The following RNF220 variants were observed in gnomAD, a reference collection of about 807,000 sequenced individuals.
The protein encoded by RNF220 is ring finger protein 220.
In RNF220, 7 loss-of-function variants were observed where a neutral mutation model predicts 67.1. That is an observed-to-expected ratio of 0.10 (90% confidence interval 0.06 to 0.20). The LOEUF is 0.20. Ranked by LOEUF, RNF220 falls within the 10% of genes least tolerant of loss-of-function variation. The pLI is 1.00. For missense variants in RNF220, 565 were observed against 740.3 expected (o/e 0.76, Z 2.75); for synonymous variants, 270 against 283.2 (o/e 0.95, Z 0.47).
At chr1:44,631,445 A>C (rs189400733) in intron 5 of RNF220, among the ~76,000 whole-genome samples, 23 of 152,358 alleles carry the variant, frequency 1.5e-4, no homozygotes, top group African/African-American at 5.3e-4. Flanking sequence ...TCTTATGAAC[A>C]GGGAACCCAA....
intron 2 of RNF220, among the ~76,000 whole-genome samples, chr1:44,529,905 T>A (rs930006163): frequency 1.3e-5 from 2 of 148,970 alleles, no homozygotes; most frequent in South Asian, 4.2e-4. Flanking sequence ...ACAAAAAAAA[T>A]TAGCAGGGCA....
rs528091970 is a variant in RNF220, at chr1:44,542,768, G to A, written c.626-71397G>A. 1.3e-4 allele frequency among the ~76,000 whole-genome samples: 20 copies of A among 152,332 alleles called. No individual in the cohort carries two copies. In the East Asian group the frequency reaches 2.5e-3, roughly 19 times the overall value. On this transcript the variant is annotated intron_variant, in intron 2 of 14. Transcript: ENST00000361799. ...GAGACAGGGAGCCCAGCCTTGGGACGTTGCTAGCAGCTTCCCCTGAACCCT... is the reference window on the plus strand; with the variant it reads ...GAGACAGGGAGCCCAGCCTTGGGACATTGCTAGCAGCTTCCCCTGAACCCT...
intron 1 of RNF220, among the ~76,000 whole-genome samples, chr1:44,406,870 C>T: frequency 6.6e-6 from 1 of 152,280 alleles, no homozygotes; most frequent in East Asian, 1.9e-4. Context: ...GTTCATCCCC[C>T]AGTCCAGGAG....
At chr1:44,460,942 C>G (rs912268723) in intron 2 of RNF220, among the ~76,000 whole-genome samples, 3 of 152,190 alleles carry the variant, frequency 2.0e-5, no homozygotes, top group Admixed American at 2.0e-4. Context: ...TGGCCTTCCC[C>G]CTTCCCTGTC....
At chr1:44,506,876 A>T (rs1572710715) in intron 2 of RNF220, among the ~76,000 whole-genome samples, 1 of 152,348 alleles carries the variant, frequency 6.6e-6, no homozygotes, top group East Asian at 1.9e-4. Flanking sequence ...GGGAGATCAA[A>T]AGTAGCTAAT....
At chr1:44,632,865 T>G (rs1573130939) in intron 6 of RNF220, 1 of 165,018 alleles carries the variant, frequency 6.1e-6, no homozygotes, top group African/African-American at 2.4e-5. Flanking sequence ...CAGGGCTCTT[T>G]GAGTTATCAG....
chr1:44,424,852 C>T (rs1031675663), intron 2 of RNF220, among the ~76,000 whole-genome samples: 2 of 152,208 alleles, frequency 1.3e-5, no homozygotes, highest in African/African-American at 4.8e-5. Flanking sequence ...TGAGGGAGGC[C>T]GGTGTGCGCT....
intron 2 of RNF220, among the ~76,000 whole-genome samples, chr1:44,425,077 T>C (rs996754083): frequency 3.9e-5 from 6 of 152,168 alleles, no homozygotes; most frequent in African/African-American, 9.7e-5. Flanking sequence ...CACCTGCAGA[T>C]TGGCTTTCTG....
chr1:44,435,187 A>G (rs1489059914), intron 2 of RNF220, among the ~76,000 whole-genome samples: 1 of 152,210 alleles, frequency 6.6e-6, no homozygotes, highest in East Asian at 1.9e-4. Flanking sequence ...GGAGTGCGAC[A>G]TGCTGAGCAA....
chr1:44,609,716 G>A (rs1441574669), intron 2 of RNF220, among the ~76,000 whole-genome samples: 1 of 152,254 alleles, frequency 6.6e-6, no homozygotes, highest in African/African-American at 2.4e-5. Context: ...CCTGGCCCAA[G>A]CTAGGAAGAG....
chr1:44,604,562 G>A (rs991248123), intron 2 of RNF220, among the ~76,000 whole-genome samples: 2 of 152,252 alleles, frequency 1.3e-5, no homozygotes, highest in Non-Finnish European at 2.9e-5. Flanking sequence ...TGGGGTCAAG[G>A]GTTTAGCTTC....
At chr1:44,432,741 T>A (rs1650526899) in intron 2 of RNF220, among the ~76,000 whole-genome samples, 1 of 152,102 alleles carries the variant, frequency 6.6e-6, no homozygotes, top group South Asian at 2.1e-4. Context: ...CACAAAACGC[T>A]CTGGTCTGCT....
At chr1:44,634,056 C>G (rs1644251182) in intron 6 of RNF220, among the ~76,000 whole-genome samples, 1 of 152,238 alleles carries the variant, frequency 6.6e-6, no homozygotes, top group African/African-American at 2.4e-5. Context: ...ATGCCCAGTT[C>G]TGGCAGGATG....
intron 2 of RNF220, among the ~76,000 whole-genome samples, chr1:44,420,446 T>A (rs1050391087): frequency 8.5e-5 from 13 of 152,352 alleles, no homozygotes; most frequent in African/African-American, 2.9e-4. Context: ...ACCTTCGCTT[T>A]ATTTTCAGGT....
rs138738538 is a variant in RNF220, at chr1:44,600,288, G to C, written c.626-13877G>C. ...GTGTTGTACGTGGCTCAGATTGGAG[G>C]TACAGGCTGAGGGAATGAAACCAGA... On this transcript the variant is annotated intron_variant, in intron 2 of 14. Coordinates refer to ENST00000361799, the MANE Select transcript of RNF220 (RefSeq NM_018150.4). The surrounding 1 kb of genome is among the most constrained non-coding windows in gnomAD (Gnocchi z 4.0). Among the ~76,000 whole-genome samples, 54 of 152,290 alleles carry C rather than the reference G, an allele frequency of 3.5e-4. No individual in the cohort carries two copies. The highest frequency in any genetic ancestry group is 1.3e-3 in the African/African-American group (53 of 41,558).
intron 2 of RNF220, among the ~76,000 whole-genome samples, chr1:44,513,275 A>G (rs1009731302): frequency 5.9e-5 from 9 of 152,166 alleles, no homozygotes; most frequent in Admixed American, 2.0e-4. Context: ...AGGGGAAGCA[A>G]GTGGCAAGGC....
chr1:44,406,852 G>A (rs915399434), intron 1 of RNF220, among the ~76,000 whole-genome samples: 7 of 152,280 alleles, frequency 4.6e-5, no homozygotes, highest in Admixed American at 4.6e-4. Flanking sequence ...CATCCGAGGG[G>A]ATGCCCGGTT....
intron 2 of RNF220, among the ~76,000 whole-genome samples, chr1:44,583,579 A>G (rs531384127): frequency 6.6e-6 from 1 of 152,262 alleles, no homozygotes; most frequent in Non-Finnish European, 1.5e-5. Flanking sequence ...AAATGTGGTC[A>G]TTACTGGATT....
chr1:44,544,691 C>T (rs973521317), intron 2 of RNF220, among the ~76,000 whole-genome samples: 2 of 152,222 alleles, frequency 1.3e-5, no homozygotes, highest in African/African-American at 4.8e-5. Flanking sequence ...ATGGATTAGC[C>T]TAAAGCCTTG....
Sources: allele counts gnomAD v4.1 joint callset (sites outside exome capture counted in the v4.1 genomes callset), GRCh38; gene constraint gnomAD v4.1.1; non-coding constraint Gnocchi (gnomAD v3.1); transcripts MANE v1.5; gene names NCBI Gene and HGNC (gene_info 2026-07-23, HGNC 2026-07-21).